NSUN6: variants seen among roughly 807,000 people sequenced by gnomAD.
NSUN6 encodes NOP2/Sun RNA methyltransferase 6, also known as tRNA (cytosine(72)-C(5))-methyltransferase NSUN6.
A neutral mutation model predicts 58.0 loss-of-function variants in NSUN6; 64 were observed. The ratio of observed to expected loss-of-function variants is 1.10; its 90% CI spans 0.90 to 1.36. The LOEUF is 1.36. Ranked by LOEUF, NSUN6 falls within the 40% of genes most tolerant of loss-of-function variation. The pLI, the probability that NSUN6 is intolerant of heterozygous loss-of-function variation, is 0.00. For missense variants in NSUN6, 701 were observed against 550.1 expected (o/e 1.27, Z -2.74); for synonymous variants, 231 against 193.9 (o/e 1.19, Z -1.59).
intron 9 of NSUN6, among the ~76,000 whole-genome samples, chr10:18,550,399 T>C (rs565159689): frequency 5.3e-5 from 8 of 152,326 alleles, no homozygotes; most frequent in African/African-American, 1.4e-4. Context: ...TGAATCAGAA[T>C]GTACTCAAAG....
Position 18,631,404 on chromosome 10 carries a change from G to A in NSUN6, c.311+11072C>T, listed in dbSNP as rs1305669007. 6.7e-3 allele frequency among the ~76,000 whole-genome samples: 949 copies of A among 142,642 alleles called. 12 individuals carry two copies. Among genetic ancestry groups the A allele is most frequent in the African/African-American group, 0.024 (919 of 38,216 alleles). 93.6% of individuals were successfully genotyped at this position (142,642 alleles called of 152,430 possible). On this transcript the variant is annotated intron_variant, in intron 3 of 10. Transcript: ENST00000377304. ...ACACAGTGTTGGAAGTTCTGGCCAGGGCAATTAGGCAGGAGAAGGAAATAA... is the reference window on the plus strand; with the variant it reads ...ACACAGTGTTGGAAGTTCTGGCCAGAGCAATTAGGCAGGAGAAGGAAATAA...
chr10:18,570,670 TTCTCC>T lies in NSUN6; in HGVS notation c.922+15274_922+15278del, dbSNP rs539740206. 6.5e-3 allele frequency among the ~76,000 whole-genome samples: 980 copies of T among 150,258 alleles called. 15 individuals carry two copies. The highest frequency in any genetic ancestry group is 0.023 in the African/African-American group (950 of 40,960). ...CCATCATCCATTCCATTCCATTCTA[TTCTCC>T]ATTCCATTTCATGCTCCATTCCATT... On this transcript the variant is annotated intron_variant, in intron 8 of 10. Coordinates refer to ENST00000377304, the MANE Select transcript of NSUN6 (RefSeq NM_182543.5).
intron 3 of NSUN6, 123 bp from the exon 4 acceptor site, chr10:18,616,416 C>T (rs568885148): frequency 9.2e-6 from 5 of 545,388 alleles, no homozygotes; most frequent in East Asian, 3.1e-5. Context: ...CATAAGAAAA[C>T]GCTGAAAAGA....
chr10:18,610,177 C>T (rs535419828), intron 5 of NSUN6, among the ~76,000 whole-genome samples: 2 of 152,002 alleles, frequency 1.3e-5, no homozygotes, highest in African/African-American at 4.8e-5. Flanking sequence ...AAAAATTAGC[C>T]AAGCGTGGTG....
intron 8 of NSUN6, among the ~76,000 whole-genome samples, chr10:18,571,730 A>ACATTC (rs1564739639): frequency 2.7e-5 from 4 of 149,726 alleles, no homozygotes; most frequent in Admixed American, 1.3e-4. Flanking sequence ...ATTCCATTCC[A>ACATTC]CATTCCATTC....
At chr10:18,637,048 C>T (rs1197600147) in intron 3 of NSUN6, among the ~76,000 whole-genome samples, 1 of 150,966 alleles carries the variant, frequency 6.6e-6, no homozygotes, top group Non-Finnish European at 1.5e-5. Flanking sequence ...CTACAACCTC[C>T]ACCTCCTGGG....
chr10:18,609,693 T>C (rs1007714239), intron 6 of NSUN6, 152 bp downstream of exon 6: 14 of 474,308 alleles, frequency 3.0e-5, no homozygotes, highest in African/African-American at 2.6e-4. Context: ...AGAATGCTTG[T>C]AAAGTTTTTT....
chr10:18,617,034 C>T (rs993519220), intron 3 of NSUN6, among the ~76,000 whole-genome samples: 2 of 152,104 alleles, frequency 1.3e-5, no homozygotes, highest in African/African-American at 4.8e-5. Flanking sequence ...TCTCATTGCT[C>T]ATTCTCTGCC....
chr10:18,552,024 G>A (rs1195376569), intron 8 of NSUN6, 53 bp from the exon 9 acceptor site: 1 of 1,055,314 alleles, frequency 9.5e-7, no homozygotes, highest in South Asian at 1.6e-5. Context: ...GTTTAAACTA[G>A]AAAACTCCTG....
chr10:18,632,736 C>G (rs2059078453), intron 3 of NSUN6, among the ~76,000 whole-genome samples: 1 of 152,108 alleles, frequency 6.6e-6, no homozygotes, highest in Non-Finnish European at 1.5e-5. Context: ...GAATGGCAAT[C>G]ATTAAAAAGT....
At chr10:18,554,104 C>T (rs1554849282) in intron 8 of NSUN6, among the ~76,000 whole-genome samples, 1 of 139,254 alleles carries the variant, frequency 7.2e-6, no homozygotes, top group South Asian at 2.3e-4. Flanking sequence ...ATGGAATGGA[C>T]AGGAATGGAG....
chr10:18,651,553 G>A lies in NSUN6; in HGVS notation c.-350C>T. ...AAACGGACGCAGATCAGTAAGCCAG[G>A]CTGACAGCAGCTCGGTCCCTTTATC... On this transcript the variant is annotated 5_prime_UTR_variant, in exon 1 of 11. Transcript: ENST00000377304. The A allele has an allele frequency of 4.0e-6, 4 of 1,006,446 alleles. No homozygotes were observed. Among genetic ancestry groups the A allele is most frequent in the Non-Finnish European group, 4.7e-6 (4 of 843,988 alleles). 62.3% of individuals were successfully genotyped at this position (1,006,446 alleles called of 1,614,324 possible). A position where few individuals can be genotyped will look rare whatever the true frequency, so the allele number is the denominator to read the frequency against.
rs1342002171 is a variant in NSUN6 at position 18,545,833 on chromosome 10, ACAT to A, written c.*97_*99del. 1 of 730,082 alleles carries A rather than the reference ACAT, an allele frequency of 1.4e-6. No homozygotes were observed. The highest frequency in any genetic ancestry group is 2.4e-5 in the Admixed American group (1 of 42,272). The allele number at this position is 730,082 out of a possible 1,614,324, so 45.2% of individuals were successfully genotyped here. On this transcript the variant is annotated 3_prime_UTR_variant, in exon 11 of 11. Transcript: ENST00000377304. Reference sequence around the variant, plus strand: ...AGCCTTTTCTGTTTCCATAGCAACCACATCATCATTCAGTTGGCCTGACAACAC... The same window carrying A: ...AGCCTTTTCTGTTTCCATAGCAACCACATCATTCAGTTGGCCTGACAACAC...
intron 8 of NSUN6, among the ~76,000 whole-genome samples, chr10:18,555,538 G>A (rs2054932202): frequency 1.4e-5 from 2 of 142,194 alleles, no homozygotes; most frequent in South Asian, 2.2e-4. Context: ...ATGGAATGAA[G>A]GCAGCATGGA....
intron 3 of NSUN6, among the ~76,000 whole-genome samples, chr10:18,640,111 T>A (rs2059346143): frequency 6.6e-6 from 1 of 152,276 alleles, no homozygotes; most frequent in Non-Finnish European, 1.5e-5. Flanking sequence ...TAGTGTTACA[T>A]AATCGTGGAA....
At chr10:18,601,873 C>G (rs990095184) in intron 6 of NSUN6, among the ~76,000 whole-genome samples, 7 of 151,244 alleles carry the variant, frequency 4.6e-5, no homozygotes, top group Admixed American at 1.3e-4. Context: ...TCTTGGGAAG[C>G]TGAGGCAGGA....
intron 3 of NSUN6, among the ~76,000 whole-genome samples, chr10:18,616,946 T>A (rs2058432313): frequency 2.0e-5 from 3 of 152,140 alleles, no homozygotes; most frequent in Non-Finnish European, 4.4e-5. Context: ...GCATCCTGTC[T>A]TCAATTCCAT....
Position 18,648,604 on chromosome 10 carries a change from A to C in NSUN6, c.117T>G (p.Phe39Leu). ...GTGACAGGTGCTTTAACAAAGTTTC[A>C]AACTTCCTTTCTGCTTCTTGTTTAC... ...ALGKQEAERK[F>L]ETLLKHLSHP... Residue 39 changes from phenylalanine (F) to leucine (L), a missense_variant, in exon 2 of 11, where the codon TTT becomes TTG. Coordinates refer to ENST00000377304, the MANE Select transcript of NSUN6 (RefSeq NM_182543.5). 2 of 1,608,044 alleles carry C rather than the reference A, an allele frequency of 1.2e-6. No individual in the cohort carries two copies. Among genetic ancestry groups the C allele is most frequent in the South Asian group, 1.1e-5 (1 of 90,878 alleles).
intron 7 of NSUN6, among the ~76,000 whole-genome samples, chr10:18,591,096 A>C (rs760573097): frequency 2.0e-5 from 3 of 152,218 alleles, no homozygotes; most frequent in Non-Finnish European, 4.4e-5. Context: ...CCATCAGAGA[A>C]TACTATAAAC....
Sources: allele counts gnomAD v4.1 joint callset (sites outside exome capture counted in the v4.1 genomes callset), GRCh38; gene constraint gnomAD v4.1.1; transcripts MANE v1.5; gene names NCBI Gene and HGNC (gene_info 2026-07-23, HGNC 2026-07-21).